AMOTL1: variants seen among roughly 807,000 people sequenced by gnomAD.
AMOTL1 encodes angiomotin-like protein 1.
A neutral mutation model predicts 102.9 loss-of-function variants in AMOTL1; 45 were observed. The observed-to-expected ratio is 0.44, with a 90% CI of 0.34 to 0.56. The LOEUF (loss-of-function observed/expected upper bound fraction) is 0.56. Among genes scored for constraint, AMOTL1 ranks in the 20% least tolerant of loss-of-function variants. AMOTL1 has a pLI of 0.01. For synonymous variants in AMOTL1, 481 were observed against 484.7 expected (o/e 0.99, Z 0.10); for missense variants, 1,114 against 1,225.6 (o/e 0.91, Z 1.36).
At chr11:94,717,307 G>A (rs1307169321) in intron 1 of AMOTL1, among the ~76,000 whole-genome samples, 1 of 149,642 alleles carries the variant, frequency 6.7e-6, no homozygotes, top group Non-Finnish European at 1.5e-5. Context: ...AAAATGGGAA[G>A]AGACAAACAA....
chr11:94,851,115 G>A (rs1431999050), intron 7 of AMOTL1, among the ~76,000 whole-genome samples: 2 of 152,132 alleles, frequency 1.3e-5, no homozygotes, highest in East Asian at 3.9e-4. Flanking sequence ...TTTAATACTA[G>A]CATAAGGCTC....
intron 1 of AMOTL1, among the ~76,000 whole-genome samples, chr11:94,711,154 A>C (rs1256825077): frequency 6.6e-6 from 1 of 152,156 alleles, no homozygotes; most frequent in Non-Finnish European, 1.5e-5. Context: ...ACAAAATTTT[A>C]ATCTGTGTAA....
intron 3 of AMOTL1, among the ~76,000 whole-genome samples, chr11:94,804,449 A>C (rs937108711): frequency 6.6e-6 from 1 of 152,114 alleles, no homozygotes; most frequent in Non-Finnish European, 1.5e-5. Flanking sequence ...CACCGTGCCC[A>C]ACTATTTTTG....
intron 1 of AMOTL1, among the ~76,000 whole-genome samples, chr11:94,708,794 C>T (rs958669701): frequency 6.6e-6 from 1 of 152,120 alleles, no homozygotes; most frequent in Non-Finnish European, 1.5e-5. Context: ...CTAAACAGCA[C>T]ATCTATAAAC....
chr11:94,768,637 C>G, intron 1 of AMOTL1, 77 bp downstream of exon 1: 2 of 1,548,030 alleles, frequency 1.3e-6, no homozygotes, highest in South Asian at 2.4e-5. Context: ...CCCCGGGCTC[C>G]CCGGGCCCCT....
chr11:94,825,416 A>G (rs1951943707), intron 4 of AMOTL1, among the ~76,000 whole-genome samples: 1 of 152,168 alleles, frequency 6.6e-6, no homozygotes, highest in Non-Finnish European at 1.5e-5. Flanking sequence ...GGAATGGCTG[A>G]GATTTTCTCA....
chr11:94,708,778 G>A (rs78254507), intron 1 of AMOTL1, among the ~76,000 whole-genome samples: 36,087 of 152,018 alleles, frequency 0.24, 5,354 homozygotes, highest in Non-Finnish European at 0.32. Context: ...AGGAAATAAA[G>A]CCAACCTAAA....
chr11:94,839,428 T>G (rs892730348), intron 6 of AMOTL1, among the ~76,000 whole-genome samples: 1 of 152,192 alleles, frequency 6.6e-6, no homozygotes, highest in African/African-American at 2.4e-5. Context: ...ACAGGAAGAT[T>G]AAGTAACTTG....
chr11:94,869,124 C>T, intron 11 of AMOTL1, 74 bp from the exon 12 acceptor site: 2 of 1,430,052 alleles, frequency 1.4e-6, no homozygotes, highest in Non-Finnish European at 1.8e-6. Flanking sequence ...CAACAAGGAA[C>T]AGATCTGCAA....
chr11:94,868,531 TAGG>T (rs1320246369), intron 11 of AMOTL1, among the ~76,000 whole-genome samples: 1 of 152,126 alleles, frequency 6.6e-6, no homozygotes, highest in African/African-American at 2.4e-5. Context: ...TGGCCTTTCC[TAGG>T]AGGCTGGCTG....
intron 1 of AMOTL1, among the ~76,000 whole-genome samples, chr11:94,714,569 C>G (rs1367507026): frequency 6.6e-6 from 1 of 151,988 alleles, no homozygotes; most frequent in East Asian, 1.9e-4. Flanking sequence ...AGTTGTAGAG[C>G]TGTTCAGATT....
intron 1 of AMOTL1, among the ~76,000 whole-genome samples, chr11:94,772,581 T>G (rs1950969676): frequency 6.6e-6 from 1 of 152,254 alleles, no homozygotes. Context: ...TGAGTAGTAT[T>G]CCATAATATG....
At chr11:94,733,882 T>C (rs753665354) in intron 2 of AMOTL1, among the ~76,000 whole-genome samples, 4 of 152,180 alleles carry the variant, frequency 2.6e-5, no homozygotes, top group African/African-American at 7.2e-5. Flanking sequence ...CATGTCCAAG[T>C]ACACCTTCTA....
At chr11:94,810,373 A>C (rs1188483939) in intron 3 of AMOTL1, among the ~76,000 whole-genome samples, 4 of 152,108 alleles carry the variant, frequency 2.6e-5, no homozygotes. Flanking sequence ...ATGGGGCTAG[A>C]CCACGTGACG....
chr11:94,870,452 CCCACTGT>C lies in AMOTL1; in HGVS notation c.2765-235_2765-229del, dbSNP rs148754587. On this transcript the variant is annotated intron_variant, in intron 12 of 12. Coordinates refer to ENST00000433060, the MANE Select transcript of AMOTL1 (RefSeq NM_130847.3). ...GGTGTGAGGGGCTCCTGTACAGAGTCCCACTGTCATCCTCACCTTCTGAATCCTCTCC... is the reference window on the plus strand; with the variant it reads ...GGTGTGAGGGGCTCCTGTACAGAGTCCATCCTCACCTTCTGAATCCTCTCC... 1.4e-3 allele frequency among the ~76,000 whole-genome samples: 218 copies of C among 152,284 alleles called. 1 individual carries two copies. The highest frequency in any genetic ancestry group is 5.0e-3 in the African/African-American group (206 of 41,552).
rs577851084 is a variant in AMOTL1 at position 94,867,336 on chromosome 11, C to T, written c.2488+1168C>T. On this transcript the variant is annotated intron_variant, in intron 11 of 12. Transcript: ENST00000433060. The stretch of plus-strand genomic sequence containing the variant: ...TCCCAAGGACATTTAGCTCCCACCC[C>T]AGCTAGAGAGCTGGGAGGCAGTGCT... Among the ~76,000 whole-genome samples the T allele has an allele frequency of 2.0e-5, 3 of 152,304 alleles. No individual in the cohort carries two copies. The South Asian group carries it at 6.2e-4, about 32-fold the overall frequency.
intron 3 of AMOTL1, among the ~76,000 whole-genome samples, chr11:94,811,688 A>C (rs991210045): frequency 3.9e-5 from 6 of 152,132 alleles, no homozygotes; most frequent in African/African-American, 1.4e-4. Context: ...CAACAACAGA[A>C]ACAAACAAGC....
intron 3 of AMOTL1, among the ~76,000 whole-genome samples, chr11:94,756,615 A>G (rs1448213408): frequency 6.6e-6 from 1 of 152,208 alleles, no homozygotes; most frequent in East Asian, 1.9e-4. Context: ...CATTATTGCT[A>G]TATAGTGTTA....
In AMOTL1 at chr11:94,771,266, G is replaced by GGT. The variant is rs567385941; in HGVS notation, c.49+2707_49+2708insTG. On this transcript the variant is annotated intron_variant, in intron 1 of 12. Transcript: ENST00000433060. Reference sequence around the variant, plus strand: ...TTTTCTTTTTGGCGGGGTTGGGGGGGGGGTGCGGTGTGTGGCTATCTGCAT... The same window carrying GGT: ...TTTTCTTTTTGGCGGGGTTGGGGGGGGTGGGTGCGGTGTGTGGCTATCTGCAT... Among the ~76,000 whole-genome samples, 107 of 144,560 alleles carry GGT rather than the reference G, an allele frequency of 7.4e-4. 4 individuals are homozygous for GGT. The South Asian group carries it at 0.019, about 25-fold the overall frequency. The allele number at this position is 144,560 out of a possible 152,430, so 94.8% of individuals were successfully genotyped here.
Sources: allele counts gnomAD v4.1 joint callset (sites outside exome capture counted in the v4.1 genomes callset), GRCh38; gene constraint gnomAD v4.1.1; transcripts MANE v1.5; gene names NCBI Gene and HGNC (gene_info 2026-07-23, HGNC 2026-07-21).